The following PPP1R9A variants were observed in gnomAD, a reference collection of about 807,000 sequenced individuals.
PPP1R9A encodes neurabin-1.
A neutral mutation model predicts 141.9 loss-of-function variants in PPP1R9A; 59 were observed. The ratio of observed to expected loss-of-function variants is 0.42; its 90% confidence interval spans 0.34 to 0.52. The LOEUF (loss-of-function observed/expected upper bound fraction) is 0.52, where lower values mean the gene tolerates loss of function less well. Among genes scored for constraint, PPP1R9A ranks in the 20% least tolerant of loss-of-function variants. The pLI is 0.10. For synonymous variants in PPP1R9A, 500 were observed against 569.7 expected, an observed-to-expected ratio of 0.88 and a Z score of 1.74; for missense variants, 1,444 against 1,611.9, an observed-to-expected ratio of 0.90 and a Z score of 1.78.
intron 2 of PPP1R9A, among the ~76,000 whole-genome samples, chr7:95,038,169 T>G (rs1309839635): frequency 6.6e-6 from 1 of 151,598 alleles, no homozygotes; most frequent in Non-Finnish European, 1.5e-5. Flanking sequence ...CTGGACAAAC[T>G]GAAAAACTAG....
At chr7:95,030,628 C>T (rs1318283082) in intron 2 of PPP1R9A, among the ~76,000 whole-genome samples, 3 of 151,878 alleles carry the variant, frequency 2.0e-5, no homozygotes, top group Non-Finnish European at 2.9e-5. Context: ...AAGTTCTTAC[C>T]ATTATAATGA....
chr7:94,947,776 G>A (rs146783352), intron 2 of PPP1R9A, among the ~76,000 whole-genome samples: 14 of 152,174 alleles, frequency 9.2e-5, no homozygotes, highest in Middle Eastern at 3.4e-3. Flanking sequence ...TTTGTAATAA[G>A]TTTCATGAAA....
At position 95,046,943 on chromosome 7, in the gene PPP1R9A, C is replaced by T. The variant is rs937879875; in HGVS notation, c.1396-64316C>T. Among the ~76,000 whole-genome samples, 7 of 152,196 alleles carry T rather than the reference C, an allele frequency of 4.6e-5. No individual in the cohort carries two copies. The East Asian group carries it at 1.3e-3, about 29-fold the overall frequency. ...AGAAACGGTTTGCAGCCAACTGTGA[C>T]CACTAAGCTAAATCTATTGCGGTGT... On this transcript the variant is annotated intron_variant, in intron 2 of 19. Transcript: ENST00000433360.
In PPP1R9A at chr7:94,910,890, T is replaced by G; in HGVS notation, c.777T>G (p.Pro259=). 1.2e-6 allele frequency: 2 copies of G among 1,614,010 alleles called. No individual in the cohort carries two copies. The highest frequency in any genetic ancestry group is 1.7e-6 in the Non-Finnish European group (2 of 1,180,020). ...ACCTGAAGGATTCTAATTCCTGGCC[T>G]CCTTCAAACAAGCGAGGTGTTGATA... The part of the protein sequence containing the change: ...FGHLKDSNSW[P]PSNKRGVDTE... The change falls in exon 2 of 20, where the codon CCT becomes CCG. Residue 259 remains proline, a synonymous_variant. Transcript: ENST00000433360. This position sits in a 1 kb window ranked among gnomAD's most constrained non-coding sequence, Gnocchi z 4.5.
chr7:94,930,216 T>C (rs1010866547), intron 2 of PPP1R9A, among the ~76,000 whole-genome samples: 1 of 152,100 alleles, frequency 6.6e-6, no homozygotes, highest in Non-Finnish European at 1.5e-5. Context: ...CAGGAGAGTG[T>C]TGGGAGGCAG....
chr7:95,003,076 A>C (rs561248877), intron 2 of PPP1R9A, among the ~76,000 whole-genome samples: 1 of 152,192 alleles, frequency 6.6e-6, no homozygotes, highest in Non-Finnish European at 1.5e-5. Context: ...AATAAATCAG[A>C]AAATTGCCTT....
chr7:95,237,356 C>G (rs917162916), intron 8 of PPP1R9A, among the ~76,000 whole-genome samples: 5 of 151,620 alleles, frequency 3.3e-5, no homozygotes, highest in African/African-American at 9.7e-5. Flanking sequence ...CCACCACACC[C>G]AGCTAATTTT....
At chr7:95,022,582 T>G (rs1178982398) in intron 2 of PPP1R9A, among the ~76,000 whole-genome samples, 1 of 152,194 alleles carries the variant, frequency 6.6e-6, no homozygotes, top group Non-Finnish European at 1.5e-5. Context: ...TGCTTCCAGT[T>G]TTTGCCCATT....
chr7:95,001,530 A>G (rs1584214105), intron 2 of PPP1R9A, among the ~76,000 whole-genome samples: 1 of 152,192 alleles, frequency 6.6e-6, no homozygotes, highest in Non-Finnish European at 1.5e-5. Flanking sequence ...AAGAGATCCA[A>G]TTGCCATGTG....
intron 4 of PPP1R9A, among the ~76,000 whole-genome samples, chr7:95,124,848 C>T (rs1026445579): frequency 6.6e-6 from 1 of 152,066 alleles, no homozygotes; most frequent in African/African-American, 2.4e-5. Context: ...CCTTCCTGCC[C>T]CCACAAGAAG....
chr7:94,987,134 A>G (rs1361972701), intron 2 of PPP1R9A, among the ~76,000 whole-genome samples: 1 of 152,242 alleles, frequency 6.6e-6, no homozygotes, highest in Non-Finnish European at 1.5e-5. Flanking sequence ...AATATCAACC[A>G]GAGGAGAACA....
Position 95,291,036 on chromosome 7 carries a change from T to C in PPP1R9A, c.*733T>C, listed in dbSNP as rs1161853400. 6.6e-6 allele frequency: 1 copy of C among 152,238 alleles called. No homozygotes were observed. The highest frequency in any genetic ancestry group is 1.5e-5 in the Non-Finnish European group (1 of 68,058). 9.4% of individuals were successfully genotyped at this position (152,238 alleles called of 1,614,324 possible). A position where few individuals can be genotyped will look rare whatever the true frequency, so the allele number is the denominator to read the frequency against. ...CTGAGGGTAATATTTATCCTCTAGA[T>C]ACGGCTGAACAAGAAAGAAAAAAAT... On this transcript the variant is annotated 3_prime_UTR_variant, in exon 20 of 20. Transcript: ENST00000433360.
chr7:95,225,818 A>G (rs1795067034), intron 7 of PPP1R9A, 143 bp from the exon 8 acceptor site: 1 of 728,510 alleles, frequency 1.4e-6, no homozygotes, highest in South Asian at 2.4e-5. Context: ...CATTGGCTGC[A>G]TGAGGCATGC....
intron 18 of PPP1R9A, among the ~76,000 whole-genome samples, chr7:95,288,172 G>A (rs951787817): frequency 3.3e-5 from 5 of 152,138 alleles, no homozygotes; most frequent in African/African-American, 1.2e-4. Flanking sequence ...AAATTCCAAT[G>A]TCTTATTAGA....
chr7:95,108,451 C>T (rs1819965907), intron 2 of PPP1R9A, among the ~76,000 whole-genome samples: 3 of 151,026 alleles, frequency 2.0e-5, no homozygotes, highest in Admixed American at 6.6e-5. Context: ...GCTGGGACTA[C>T]AGGTGCCTGC....
chr7:94,978,617 C>G (rs372492699), intron 2 of PPP1R9A, among the ~76,000 whole-genome samples: 3 of 151,958 alleles, frequency 2.0e-5, no homozygotes, highest in Non-Finnish European at 4.4e-5. Flanking sequence ...GTGGTTTCTT[C>G]GCTGAGTGCT....
intron 3 of PPP1R9A, among the ~76,000 whole-genome samples, chr7:95,114,678 CA>C (rs1821158099): frequency 6.6e-6 from 1 of 151,508 alleles, no homozygotes; most frequent in Non-Finnish European, 1.5e-5. Flanking sequence ...GGACAGAAAA[CA>C]AAAATCAAGG....
At chr7:94,996,865 C>A (rs1286374153) in intron 2 of PPP1R9A, among the ~76,000 whole-genome samples, 1 of 142,914 alleles carries the variant, frequency 7.0e-6, no homozygotes, top group Non-Finnish European at 1.5e-5. Context: ...TGCAATGGCA[C>A]AATTGCAGCT....
intron 2 of PPP1R9A, among the ~76,000 whole-genome samples, chr7:95,033,497 G>C (rs925468824): frequency 2.0e-5 from 3 of 151,926 alleles, no homozygotes; most frequent in Non-Finnish European, 4.4e-5. Flanking sequence ...TATGTTTTCT[G>C]TTGAGCAAAA....
Sources: allele counts gnomAD v4.1 joint callset (sites outside exome capture counted in the v4.1 genomes callset), GRCh38; gene constraint gnomAD v4.1.1; non-coding constraint Gnocchi (gnomAD v3.1); transcripts MANE v1.5; gene names NCBI Gene and HGNC (gene_info 2026-07-23, HGNC 2026-07-21).